PRUNE2: variants seen among roughly 807,000 people sequenced by gnomAD.
PRUNE2 encodes prune homolog 2 with BCH domain.
PRUNE2 carries 164 observed loss-of-function variants against 252.0 expected under a neutral mutation model. The ratio of observed to expected loss-of-function variants is 0.65; its 90% CI spans 0.57 to 0.74. The LOEUF is 0.74. Ranked by LOEUF, PRUNE2 falls within the 30% of genes least tolerant of loss-of-function variation. PRUNE2 has a pLI of 0.00. For synonymous variants in PRUNE2, 1,292 were observed against 1,350.2 expected, an observed-to-expected ratio of 0.96 and a Z score of 0.94; for missense variants, 3,495 against 3,711.0, an observed-to-expected ratio of 0.94 and a Z score of 1.51.
intron 16 of PRUNE2, among the ~76,000 whole-genome samples, chr9:76,626,935 A>G (rs188519624): frequency 1.3e-5 from 2 of 152,260 alleles, no homozygotes; most frequent in East Asian, 3.9e-4. Context: ...GAAGGTTCAA[A>G]TCTAAGTCTC....
At chr9:76,783,108 A>G (rs2054596199) in intron 6 of PRUNE2, among the ~76,000 whole-genome samples, 1 of 152,276 alleles carries the variant, frequency 6.6e-6, no homozygotes, top group African/African-American at 2.4e-5. Context: ...CACTTGATTA[A>G]CATCAGTTGT....
At chr9:76,740,133 T>A (rs905468747) in intron 6 of PRUNE2, 3 of 149,632 alleles carry the variant, frequency 2.0e-5, no homozygotes, top group African/African-American at 7.4e-5. Context: ...CATTTCTAAT[T>A]ATATGTGGAG....
At chr9:76,828,709 C>T (rs992771674) in intron 4 of PRUNE2, among the ~76,000 whole-genome samples, 3 of 152,264 alleles carry the variant, frequency 2.0e-5, no homozygotes, top group Non-Finnish European at 2.9e-5. Flanking sequence ...TGACATAAAA[C>T]TCATACTATA....
At chr9:76,759,112 A>G (rs1293269194) in intron 6 of PRUNE2, 1 of 152,174 alleles carries the variant, frequency 6.6e-6, no homozygotes, top group East Asian at 1.9e-4. Flanking sequence ...AGTCCCCTCG[A>G]GGTAGAGTGT....
intron 6 of PRUNE2, among the ~76,000 whole-genome samples, chr9:76,799,836 A>T (rs1166476515): frequency 6.6e-6 from 1 of 152,200 alleles, no homozygotes; most frequent in Non-Finnish European, 1.5e-5. Context: ...CTCAAATATG[A>T]CAGGAACAAA....
chr9:76,837,465 T>TAATAATA (rs1337275034), intron 4 of PRUNE2, among the ~76,000 whole-genome samples: 4 of 77,932 alleles, frequency 5.1e-5, no homozygotes, highest in African/African-American at 2.3e-4. Flanking sequence ...ATAATAATAA[T>TAATAATA]AATAATAATA....
chr9:76,732,477 C>T (rs1212287929), intron 6 of PRUNE2, among the ~76,000 whole-genome samples: 1 of 152,192 alleles, frequency 6.6e-6, no homozygotes, highest in African/African-American at 2.4e-5. Context: ...TTGAATCATC[C>T]TTCTGTTGCC....
intron 16 of PRUNE2, among the ~76,000 whole-genome samples, chr9:76,627,104 TTC>T (rs1491418759): frequency 9.1e-5 from 5 of 54,930 alleles, no homozygotes; most frequent in Non-Finnish European, 3.2e-4. Context: ...TCTTTTTTTT[TTC>T]TTCTTCTTTT....
intron 6 of PRUNE2, among the ~76,000 whole-genome samples, chr9:76,805,031 A>G (rs921798178): frequency 6.6e-6 from 1 of 152,120 alleles, no homozygotes; most frequent in African/African-American, 2.4e-5. Flanking sequence ...ACTTCCTTTA[A>G]CAGATAGAAT....
chr9:76,641,418 A>G (rs908728494), intron 12 of PRUNE2, among the ~76,000 whole-genome samples: 7 of 152,156 alleles, frequency 4.6e-5, no homozygotes, highest in African/African-American at 1.7e-4. Context: ...TAATACTGTA[A>G]TTTTTCTATA....
chr9:76,648,920 T>C (rs1315334960), intron 11 of PRUNE2, among the ~76,000 whole-genome samples: 2 of 152,172 alleles, frequency 1.3e-5, no homozygotes, highest in Non-Finnish European at 2.9e-5. Context: ...AAAGACTTTA[T>C]AGTAAGTGAG....
chr9:76,795,962 C>T (rs959893300), intron 6 of PRUNE2, among the ~76,000 whole-genome samples: 7 of 152,094 alleles, frequency 4.6e-5, no homozygotes, highest in Admixed American at 3.9e-4. Context: ...ATAAGACTAC[C>T]GTAAAACAAC....
chr9:76,772,632 C>G (rs550036254), intron 6 of PRUNE2, among the ~76,000 whole-genome samples: 1 of 152,124 alleles, frequency 6.6e-6, no homozygotes, highest in Non-Finnish European at 1.5e-5. Context: ...GGTGCAATCA[C>G]AGTTCACTGT....
intron 9 of PRUNE2, among the ~76,000 whole-genome samples, chr9:76,678,271 G>A (rs1173860700): frequency 2.1e-5 from 3 of 141,340 alleles, no homozygotes; most frequent in African/African-American, 2.7e-5. Context: ...AGAATCGCCT[G>A]AACCCGGGAG....
At chr9:76,789,737 A>G (rs961724663) in intron 6 of PRUNE2, among the ~76,000 whole-genome samples, 4 of 151,994 alleles carry the variant, frequency 2.6e-5, no homozygotes, top group Admixed American at 1.3e-4. Context: ...ATTGATTAAC[A>G]TTCTCCTGCC....
At chr9:76,805,690 T>C (rs964260687) in intron 6 of PRUNE2, among the ~76,000 whole-genome samples, 2 of 152,238 alleles carry the variant, frequency 1.3e-5, no homozygotes, top group Non-Finnish European at 2.9e-5. Flanking sequence ...ACACCAGAAC[T>C]ACTAAATTGT....
At chr9:76,673,039 A>G (rs2041826276) in intron 9 of PRUNE2, among the ~76,000 whole-genome samples, 4 of 151,806 alleles carry the variant, frequency 2.6e-5, no homozygotes, top group Admixed American at 6.6e-5. Flanking sequence ...CAGAAGGCAA[A>G]AAATAACTAA....
chr9:76,666,056 T>C (rs649252), intron 9 of PRUNE2, among the ~76,000 whole-genome samples: 88,552 of 152,090 alleles, frequency 0.58, 28,228 homozygotes, highest in South Asian at 0.72. Flanking sequence ...AACCAGGCCA[T>C]ACAGTGATAG....
intron 6 of PRUNE2, among the ~76,000 whole-genome samples, chr9:76,751,772 A>G (rs2135739178): frequency 6.6e-6 from 1 of 152,326 alleles, no homozygotes; most frequent in Non-Finnish European, 1.5e-5. Flanking sequence ...AGTTATTGTG[A>G]TAGAAAAGAA....
Sources: allele counts gnomAD v4.1 joint callset (sites outside exome capture counted in the v4.1 genomes callset), GRCh38; gene constraint gnomAD v4.1.1; transcripts MANE v1.5; gene names NCBI Gene and HGNC (gene_info 2026-07-23, HGNC 2026-07-21).